The following CACNA2D1 variants were observed in gnomAD, a reference collection of about 807,000 sequenced individuals.
CACNA2D1 encodes calcium voltage-gated channel auxiliary subunit alpha2delta 1.
In CACNA2D1, 53 loss-of-function variants were observed where a neutral mutation model predicts 171.5. That is an observed-to-expected ratio of 0.31 (90% confidence interval 0.25 to 0.39). The LOEUF (loss-of-function observed/expected upper bound fraction) is 0.39, where lower values mean the gene tolerates loss of function less well. Ranked by LOEUF, CACNA2D1 falls within the 10% of genes least tolerant of loss-of-function variation. The pLI is 1.00. For synonymous variants in CACNA2D1, 442 were observed against 443.1 expected, an observed-to-expected ratio of 1.00 and a Z score of 0.03; for missense variants, 903 against 1,299.8, an observed-to-expected ratio of 0.69 and a Z score of 4.69.
intron 7 of CACNA2D1, among the ~76,000 whole-genome samples, chr7:82,069,771 C>T (rs1808102501): frequency 6.6e-6 from 1 of 151,644 alleles, no homozygotes; most frequent in Non-Finnish European, 1.5e-5. Context: ...GCATTGAGGA[C>T]TGATTCTCTC....
intron 6 of CACNA2D1, among the ~76,000 whole-genome samples, chr7:82,116,294 T>A (rs988063886): frequency 6.6e-6 from 1 of 150,812 alleles, no homozygotes; most frequent in East Asian, 1.9e-4. Flanking sequence ...AGCTGTCTTT[T>A]GGAAAATTCC....
intron 5 of CACNA2D1, among the ~76,000 whole-genome samples, chr7:82,125,096 A>C (rs573265979): frequency 6.6e-6 from 1 of 152,340 alleles, no homozygotes; most frequent in African/African-American, 2.4e-5. Flanking sequence ...TTTAATGTAG[A>C]CAAGACTCTG....
intron 1 of CACNA2D1, among the ~76,000 whole-genome samples, chr7:82,418,391 A>G (rs1828393020): frequency 6.6e-6 from 1 of 152,198 alleles, no homozygotes; most frequent in Non-Finnish European, 1.5e-5. Flanking sequence ...CATCTGAAAT[A>G]TTTAAGAGCC....
At chr7:82,413,330 C>T (rs1296721190) in intron 1 of CACNA2D1, among the ~76,000 whole-genome samples, 1 of 152,086 alleles carries the variant, frequency 6.6e-6, no homozygotes, top group Non-Finnish European at 1.5e-5. Flanking sequence ...CTACTCATGC[C>T]CTGGTTTCTC....
intron 11 of CACNA2D1, among the ~76,000 whole-genome samples, chr7:82,036,704 T>C (rs1237569023): frequency 6.6e-6 from 1 of 152,222 alleles, no homozygotes; most frequent in African/African-American, 2.4e-5. Context: ...ATGCATTCAA[T>C]AAATTTTGGC....
At chr7:82,303,176 T>G (rs1431962250) in intron 3 of CACNA2D1, among the ~76,000 whole-genome samples, 1 of 152,064 alleles carries the variant, frequency 6.6e-6, no homozygotes. Context: ...TTTTTGTATT[T>G]TTAGTAGAGA....
chr7:82,044,959 G>T (rs1804381520), intron 10 of CACNA2D1, among the ~76,000 whole-genome samples: 1 of 152,112 alleles, frequency 6.6e-6, no homozygotes, highest in South Asian at 2.1e-4. Context: ...TAAGAAATAA[G>T]ATTTATAAAG....
chr7:81,982,310 A>G (rs951046792), intron 24 of CACNA2D1, among the ~76,000 whole-genome samples: 5 of 152,120 alleles, frequency 3.3e-5, no homozygotes, highest in African/African-American at 1.2e-4. Flanking sequence ...TTGTATTTTC[A>G]ATGGAGACGG....
chr7:82,048,685 C>T (rs1378289883), intron 10 of CACNA2D1, among the ~76,000 whole-genome samples: 1 of 151,962 alleles, frequency 6.6e-6, no homozygotes, highest in African/African-American at 2.4e-5. Context: ...TTTAAGCCTA[C>T]TAAATAATTA....
chr7:82,407,843 A>G (rs1455211492), intron 1 of CACNA2D1, among the ~76,000 whole-genome samples: 1 of 152,048 alleles, frequency 6.6e-6, no homozygotes, highest in African/African-American at 2.4e-5. Context: ...TAGCCCATCT[A>G]TCCCTGATAG....
intron 1 of CACNA2D1, among the ~76,000 whole-genome samples, chr7:82,407,586 T>A (rs554734510): frequency 6.6e-6 from 1 of 152,242 alleles, no homozygotes; most frequent in East Asian, 1.9e-4. Context: ...AAATACAATT[T>A]ATTAGTAACA....
intron 12 of CACNA2D1, chr7:82,023,916 TA>T (rs1801567554): frequency 6.6e-6 from 1 of 151,818 alleles, no homozygotes; most frequent in Admixed American, 6.6e-5. Flanking sequence ...AATCATGCAA[TA>T]TTTTTTGATT....
Position 82,001,237 on chromosome 7 carries a change from T to G in CACNA2D1, c.1591-3987A>C, listed in dbSNP as rs371478345. Among the ~76,000 whole-genome samples the G allele has an allele frequency of 2.6e-3, 400 of 152,268 alleles. 2 individuals carry two copies. The highest frequency in any genetic ancestry group is 9.1e-3 in the African/African-American group (377 of 41,552). On this transcript the variant is annotated intron_variant, in intron 18 of 38. Coordinates refer to ENST00000356860, the MANE Select transcript of CACNA2D1 (RefSeq NM_000722.4). ...TTAACTTCTAACCCAAAATTACACTTTTTAGAAATTTTGGCTTAAAATCTG... is the reference window on the plus strand; with the variant it reads ...TTAACTTCTAACCCAAAATTACACTGTTTAGAAATTTTGGCTTAAAATCTG...
intron 3 of CACNA2D1, among the ~76,000 whole-genome samples, chr7:82,171,252 T>C (rs181062989): frequency 6.6e-6 from 1 of 152,234 alleles, no homozygotes; most frequent in African/African-American, 2.4e-5. Flanking sequence ...CGAAATGCTA[T>C]TCCATTAAGT....
intron 1 of CACNA2D1, among the ~76,000 whole-genome samples, chr7:82,376,060 CT>C: frequency 6.6e-6 from 1 of 152,232 alleles, no homozygotes; most frequent in East Asian, 1.9e-4. Flanking sequence ...GTCTGTGCTT[CT>C]TTTCTCAAAA....
intron 10 of CACNA2D1, among the ~76,000 whole-genome samples, chr7:82,039,224 T>C (rs1803661267): frequency 6.6e-6 from 1 of 151,730 alleles, no homozygotes; most frequent in South Asian, 2.1e-4. Context: ...GAGTGGGTCA[T>C]AAGTTATTAC....
intron 3 of CACNA2D1, among the ~76,000 whole-genome samples, chr7:82,227,049 A>C (rs1802439196): frequency 6.6e-6 from 1 of 152,240 alleles, no homozygotes; most frequent in Non-Finnish European, 1.5e-5. Context: ...TATGTTTTAA[A>C]ATCTTGGATA....
chr7:81,950,551 T>TA (rs1792400177), intron 38 of CACNA2D1, 43 bp from the exon 39 acceptor site: 1 of 1,567,990 alleles, frequency 6.4e-7, no homozygotes, highest in Admixed American at 1.9e-5. Context: ...AAGAAAAATC[T>TA]AAAAATCTTG....
chr7:82,143,111 A>T (rs1438790698), intron 4 of CACNA2D1, among the ~76,000 whole-genome samples: 2 of 152,180 alleles, frequency 1.3e-5, no homozygotes, highest in Admixed American at 1.3e-4. Flanking sequence ...TCCAGGAAAA[A>T]AAGTATTTTT....
Sources: allele counts gnomAD v4.1 joint callset (sites outside exome capture counted in the v4.1 genomes callset), GRCh38; gene constraint gnomAD v4.1.1; transcripts MANE v1.5; gene names NCBI Gene and HGNC (gene_info 2026-07-23, HGNC 2026-07-21).